Variants in RPUSD2 observed in about 807,000 individuals in gnomAD.
The protein encoded by RPUSD2 is RNA pseudouridine synthase domain containing 2, also known as pseudouridylate synthase RPUSD2.
In RPUSD2, 31 loss-of-function variants were observed where a neutral mutation model predicts 41.5. The observed-to-expected ratio is 0.75, with a 90% CI of 0.56 to 1.01. The LOEUF (loss-of-function observed/expected upper bound fraction) is 1.01, where lower values mean the gene tolerates loss of function less well. Ranked by LOEUF, RPUSD2 falls within the 50% of genes least tolerant of loss-of-function variation. The pLI, the probability that RPUSD2 is intolerant of heterozygous loss-of-function variation, is 0.00. For missense variants in RPUSD2, 749 were observed against 724.7 expected, an observed-to-expected ratio of 1.03 and a Z score of -0.38; for synonymous variants, 305 against 289.7, an observed-to-expected ratio of 1.05 and a Z score of -0.54.
rs751694211 is a variant in RPUSD2 at position 40,569,742 on chromosome 15, C to G, written c.405C>G (p.Phe135Leu). The G allele has an allele frequency of 6.2e-7, 1 of 1,602,288 alleles. No individual in the cohort carries two copies. The highest frequency in any genetic ancestry group is 1.7e-5 in the Admixed American group (1 of 57,636). Residue 135 changes from phenylalanine (F) to leucine (L), a missense_variant, in exon 1 of 3, where the codon TTC (phenylalanine) becomes TTG (leucine). Phe to Leu is a conservative substitution (Grantham distance 22, BLOSUM62 0). Transcript: ENST00000315616. ...ACTTTGCAGAAACCAGTTATTACTT[C>G]GAGGGCGGCCTGCGTAAGGTGCGGC... ...DEHFAETSYYFEGGLRKVRPY... is the reference protein window; with the variant it reads ...DEHFAETSYYLEGGLRKVRPY...
At chr15:40,573,394 A>C in intron 2 of RPUSD2, 133 bp from the exon 3 acceptor site, 1 of 923,944 alleles carries the variant, frequency 1.1e-6, no homozygotes. Flanking sequence ...TAATGTACCC[A>C]AGATCGCAAA....
At position 40,571,709 on chromosome 15, in the gene RPUSD2, C is replaced by A; in HGVS notation, c.712C>A (p.Pro238Thr). 2 of 1,614,256 alleles carry A rather than the reference C, an allele frequency of 1.2e-6. No individual in the cohort carries two copies. The highest frequency in any genetic ancestry group is 1.1e-5 in the South Asian group (1 of 91,090). The change falls in exon 2 of 3, where the codon CCT (proline) becomes ACT (threonine). Residue 238 changes from proline to threonine, a missense_variant. Transcript: ENST00000315616. Reference protein sequence around the residue: ...ENEDVVVVDKPSSIPVHPCGR... With the variant: ...ENEDVVVVDKTSSIPVHPCGR... Reference sequence around the variant, plus strand: ...CGAAGATGTGGTGGTTGTAGACAAGCCTTCCTCCATTCCCGTTCACCCCTG... The same window carrying A: ...CGAAGATGTGGTGGTTGTAGACAAGACTTCCTCCATTCCCGTTCACCCCTG...
chr15:40,570,094 A>G (rs894521561), intron 1 of RPUSD2, 151 bp downstream of exon 1: 10 of 1,131,848 alleles, frequency 8.8e-6, no homozygotes, highest in Middle Eastern at 3.0e-4. Flanking sequence ...TTGGAACACT[A>G]TTTTAGCCCG....
chr15:40,570,779 A>G (rs1891119244), intron 1 of RPUSD2, among the ~76,000 whole-genome samples: 2 of 152,186 alleles, frequency 1.3e-5, no homozygotes. Flanking sequence ...CCCAATTTCT[A>G]AAGCACAGAT....
chr15:40,574,483 C>T lies in RPUSD2; in HGVS notation c.*222C>T, dbSNP rs1278709390. On this transcript the variant is annotated 3_prime_UTR_variant, in exon 3 of 3. Coordinates refer to ENST00000315616, the MANE Select transcript of RPUSD2 (RefSeq NM_152260.3). ...ACATCTTTGATGTCTGGTTTTCTTC[C>T]GGCTTCTTTTTTATTACTGATGTAA... is the stretch of plus-strand genomic sequence containing the variant. 14 of 443,378 alleles carry T rather than the reference C, an allele frequency of 3.2e-5. No homozygotes were observed. The highest frequency in any genetic ancestry group is 6.1e-4 in the Middle Eastern group (1 of 1,636). The allele number at this position is 443,378 out of a possible 1,614,324, so 27.5% of individuals were successfully genotyped here.
At chr15:40,572,016 A>G in intron 2 of RPUSD2, 116 bp downstream of exon 2, 2 of 1,063,072 alleles carry the variant, frequency 1.9e-6, no homozygotes, top group Non-Finnish European at 2.7e-6. Flanking sequence ...CATCCTTCCT[A>G]CCTTCCTACC....
chr15:40,572,289 G>A (rs1053783061), intron 2 of RPUSD2, among the ~76,000 whole-genome samples: 17 of 150,630 alleles, frequency 1.1e-4, no homozygotes, highest in African/African-American at 3.9e-4. Context: ...AAGGCCAGGC[G>A]CAGTGGCTCA....
At chr15:40,573,475 C>A in intron 2 of RPUSD2, 52 bp from the exon 3 acceptor site, 1 of 1,560,114 alleles carries the variant, frequency 6.4e-7, no homozygotes, top group Non-Finnish European at 8.7e-7. Context: ...AGAGTTTGGA[C>A]TCCATGAATT....
intron 1 of RPUSD2, among the ~76,000 whole-genome samples, chr15:40,570,714 A>G (rs1280146757): frequency 6.6e-6 from 1 of 152,206 alleles, no homozygotes; most frequent in Non-Finnish European, 1.5e-5. Context: ...AACTTGTTCC[A>G]TTGATCAATC....
At position 40,574,154 on chromosome 15, in the gene RPUSD2, C is replaced by T. The variant is rs150981909; in HGVS notation, c.1531C>T (p.Pro511Ser). The change falls in exon 3 of 3, where the codon CCC (proline) becomes TCC (serine). Residue 511 changes from proline (P) to serine (S), a missense_variant. Coordinates refer to ENST00000315616, the MANE Select transcript of RPUSD2 (RefSeq NM_152260.3). ...ECRLVRQDPL[P>S]QDLVMFLHAL... ...CCGGCTGGTGCGACAGGATCCCTTG[C>T]CCCAAGACCTTGTGATGTTCCTACA... The T allele has an allele frequency of 5.8e-4, 932 of 1,614,146 alleles. No individual in the cohort carries two copies. The highest frequency in any genetic ancestry group is 7.4e-4 in the Non-Finnish European group (871 of 1,180,034).
chr15:40,573,413 A>G, intron 2 of RPUSD2, 114 bp from the exon 3 acceptor site: 3 of 1,176,630 alleles, frequency 2.5e-6, no homozygotes, highest in Non-Finnish European at 3.6e-6. Flanking sequence ...AAACTGGCGA[A>G]TGGTAGAGCT....
intron 2 of RPUSD2, 80 bp downstream of exon 2, chr15:40,571,980 G>C (rs1276819354): frequency 7.0e-7 from 1 of 1,428,494 alleles, no homozygotes; most frequent in Non-Finnish European, 9.5e-7. Context: ...ATGGAGTTCC[G>C]AAGTGGTCCT....
chr15:40,574,066 A>G lies in RPUSD2; in HGVS notation c.1443A>G (p.Ala481=), dbSNP rs1256578395. The G allele has an allele frequency of 1.9e-6, 3 of 1,614,082 alleles. No homozygotes were observed. The highest frequency in any genetic ancestry group is 2.2e-5 in the South Asian group (2 of 91,088). ...APQELDTIAL[A]SEKAVETDVM... is the part of the protein sequence containing the mutation. ...AGGAGTTGGACACAATAGCCTTGGCATCAGAGAAGGCAGTTGAAACAGATG... is the reference window on the plus strand; with the variant it reads ...AGGAGTTGGACACAATAGCCTTGGCGTCAGAGAAGGCAGTTGAAACAGATG... Residue 481 remains alanine (A), a synonymous_variant, in exon 3 of 3, where the codon GCA becomes GCG. Coordinates refer to ENST00000315616, the MANE Select transcript of RPUSD2 (RefSeq NM_152260.3).
At position 40,574,147 on chromosome 15, in the gene RPUSD2, T is replaced by G. The variant is rs760684419; in HGVS notation, c.1524T>G (p.Asp508Glu). The G allele has an allele frequency of 6.2e-7, 1 of 1,614,132 alleles. No homozygotes were observed. The highest frequency in any genetic ancestry group is 8.5e-7 in the Non-Finnish European group (1 of 1,180,014). The change falls in exon 3 of 3, where the codon GAT becomes GAG. Residue 508 changes from aspartate to glutamate, a missense_variant. Asp to Glu is a conservative substitution (Grantham distance 45). Transcript: ENST00000315616. ...CAGAGTGCCGGCTGGTGCGACAGGA[T>G]CCCTTGCCCCAAGACCTTGTGATGT... is the stretch of plus-strand genomic sequence containing the variant. ...LCAECRLVRQ[D>E]PLPQDLVMFL...
rs754654370 is a variant in RPUSD2 at position 40,571,625 on chromosome 15, A to G, written c.628A>G (p.Thr210Ala). Residue 210 changes from threonine (T) to alanine (A), a missense_variant, in exon 2 of 3, where the codon ACA becomes GCA. Transcript: ENST00000315616. ...ACAGGACAATGATTTCTTGCGGAACACAGTGCACAGGCATGAGCCACCAGT... is the reference window on the plus strand; with the variant it reads ...ACAGGACAATGATTTCTTGCGGAACGCAGTGCACAGGCATGAGCCACCAGT... ...VLKDNDFLRN[T>A]VHRHEPPVTA... The G allele has an allele frequency of 1.9e-6, 3 of 1,614,170 alleles. No individual in the cohort carries two copies. Among genetic ancestry groups the G allele is most frequent in the South Asian group, 2.2e-5 (2 of 91,086 alleles).
At chr15:40,571,979 C>T (rs1891152754) in intron 2 of RPUSD2, 79 bp downstream of exon 2, 5 of 1,427,752 alleles carry the variant, frequency 3.5e-6, no homozygotes, top group South Asian at 1.3e-5. Flanking sequence ...CATGGAGTTC[C>T]GAAGTGGTCC....
Position 40,573,448 on chromosome 15 carries a change from T to G in RPUSD2, c.904-79T>G, listed in dbSNP as rs997290920. The G allele has an allele frequency of 3.3e-6, 5 of 1,492,712 alleles. No individual in the cohort carries two copies. In the Admixed American group the frequency reaches 9.8e-5, roughly 29 times the overall value. 92.5% of individuals were successfully genotyped at this position (1,492,712 alleles called of 1,614,324 possible). On this transcript the variant is annotated intron_variant, in intron 2 of 2. Coordinates refer to ENST00000315616, the MANE Select transcript of RPUSD2 (RefSeq NM_152260.3). ...TGGAGTTTGAATTTTCTGACACTGG[T>G]CCTTATCACTCCACAAAGAGTTTGG...
In RPUSD2 at chr15:40,569,614, G is replaced by T; in HGVS notation, c.277G>T (p.Ala93Ser). 6.5e-7 allele frequency: 1 copy of T among 1,536,012 alleles called. No homozygotes were observed. The change falls in exon 1 of 3, where the codon GCC becomes TCC. Residue 93 changes from alanine to serine, a missense_variant. Transcript: ENST00000315616. ...AGGCGGGGAGCATCCCTCGGCTGCAGCCCCAGGCCCGGGCAAGCATAAGAA... is the reference window on the plus strand; with the variant it reads ...AGGCGGGGAGCATCCCTCGGCTGCATCCCCAGGCCCGGGCAAGCATAAGAA... Reference protein sequence around the residue: ...PVGGEHPSAAAPGPGKHKKRR... With the variant: ...PVGGEHPSAASPGPGKHKKRR...
chr15:40,570,812 C>A (rs1369690999), intron 1 of RPUSD2, among the ~76,000 whole-genome samples: 1 of 152,186 alleles, frequency 6.6e-6, no homozygotes, highest in African/African-American at 2.4e-5. Context: ...TCACATTCCA[C>A]AGGAAGCAGA....
Sources: allele counts gnomAD v4.1 joint callset (sites outside exome capture counted in the v4.1 genomes callset), GRCh38; gene constraint gnomAD v4.1.1; transcripts MANE v1.5; gene names NCBI Gene and HGNC (gene_info 2026-07-23, HGNC 2026-07-21).